UNC5C: variants seen among roughly 807,000 people sequenced by gnomAD.
UNC5C encodes netrin receptor UNC5C.
A neutral mutation model predicts 99.8 loss-of-function variants in UNC5C; 47 were observed. That is an observed-to-expected ratio of 0.47 (90% CI 0.37 to 0.60). The LOEUF (loss-of-function observed/expected upper bound fraction) is 0.60. UNC5C is among the 20% of genes least tolerant of loss of function. The probability of loss-of-function intolerance (pLI) is 0.00; values close to 1 mark genes in which losing one functional copy is unlikely to be tolerated. For synonymous variants in UNC5C, 487 were observed against 452.2 expected (o/e 1.08, Z -0.98); for missense variants, 1,062 against 1,165.9 (o/e 0.91, Z 1.30).
intron 1 of UNC5C, among the ~76,000 whole-genome samples, chr4:95,433,285 G>T (rs1410886266): frequency 2.0e-5 from 3 of 152,066 alleles, no homozygotes; most frequent in Non-Finnish European, 4.4e-5. Context: ...ATTTTAAAAT[G>T]CAGGTATCAA....
At position 95,533,339 on chromosome 4, in the gene UNC5C, T is replaced by A. The variant is rs561798241; in HGVS notation, c.124+15395A>T. ...TGAAACCGGAAGGCAGAGGTTGCAG[T>A]GAGCCGAGATTGCACCACTGCACTC... is the stretch of plus-strand genomic sequence containing the variant. On this transcript the variant is annotated intron_variant, in intron 1 of 15. Coordinates refer to ENST00000453304, the MANE Select transcript of UNC5C (RefSeq NM_003728.4). Among the ~76,000 whole-genome samples the A allele has an allele frequency of 2.0e-5, 3 of 151,968 alleles. No individual in the cohort carries two copies. The South Asian group carries it at 6.2e-4, about 32-fold the overall frequency.
chr4:95,373,382 T>C (rs1409719725), intron 1 of UNC5C, among the ~76,000 whole-genome samples: 1 of 152,130 alleles, frequency 6.6e-6, no homozygotes, highest in Non-Finnish European at 1.5e-5. Flanking sequence ...CTCTAATACT[T>C]ACTAAATAAT....
rs1744176230 is a variant in UNC5C at position 95,356,103 on chromosome 4, T to A, written c.125-20472A>T. On this transcript the variant is annotated intron_variant, in intron 1 of 15. Transcript: ENST00000453304. ...TACTCAGGAGGCTGAGGTTGGAGGA[T>A]CATTTGAGCCCAGGAGTTAGAAGCT... 2.0e-5 allele frequency among the ~76,000 whole-genome samples: 3 copies of A among 147,732 alleles called. 1 individual carries two copies. Among genetic ancestry groups the A allele is most frequent in the African/African-American group, 7.6e-5 (3 of 39,712 alleles).
At chr4:95,247,235 C>T (rs1455337735) in intron 5 of UNC5C, among the ~76,000 whole-genome samples, 2 of 151,818 alleles carry the variant, frequency 1.3e-5, no homozygotes, top group Non-Finnish European at 2.9e-5. Flanking sequence ...AAAACAGTTG[C>T]TAAATATGAA....
chr4:95,219,325 A>G lies in UNC5C; in HGVS notation c.1301-12T>C, dbSNP rs964417601. The G allele has an allele frequency of 6.2e-7, 1 of 1,607,624 alleles. No homozygotes were observed. The highest frequency in any genetic ancestry group is 8.5e-7 in the Non-Finnish European group (1 of 1,176,188). Reference sequence around the variant, plus strand: ...TACAGCCAGCAGATCTGAGTCAGAAAGAGAAAATAATCCCATTGGCATTCT... The same window carrying G: ...TACAGCCAGCAGATCTGAGTCAGAAGGAGAAAATAATCCCATTGGCATTCT... On this transcript the variant is annotated splice_polypyrimidine_tract_variant and intron_variant, in intron 8 of 15. Transcript: ENST00000453304.
chr4:95,262,321 C>T (rs1479452103), intron 4 of UNC5C, among the ~76,000 whole-genome samples: 3 of 152,100 alleles, frequency 2.0e-5, no homozygotes, highest in African/African-American at 7.2e-5. Flanking sequence ...TAATTTTTGA[C>T]CTGTAACTTG....
At chr4:95,527,102 C>T (rs1200162866) in intron 1 of UNC5C, among the ~76,000 whole-genome samples, 1 of 151,994 alleles carries the variant, frequency 6.6e-6, no homozygotes, top group Non-Finnish European at 1.5e-5. Context: ...CATGCATTTA[C>T]CCTATTCACA....
At chr4:95,476,246 G>A (rs1048660998) in intron 1 of UNC5C, among the ~76,000 whole-genome samples, 2 of 151,962 alleles carry the variant, frequency 1.3e-5, no homozygotes, top group Non-Finnish European at 2.9e-5. Context: ...GGTTAGTCAT[G>A]CTCTCTCTCT....
intron 1 of UNC5C, among the ~76,000 whole-genome samples, chr4:95,357,841 C>T (rs11728047): frequency 0.35 from 53,288 of 151,924 alleles, 10,717 homozygotes; most frequent in African/African-American, 0.54. Context: ...CTAATAGTAA[C>T]ATATGTTAGT....
intron 7 of UNC5C, among the ~76,000 whole-genome samples, chr4:95,239,329 A>G (rs1007949101): frequency 5.9e-5 from 9 of 152,132 alleles, no homozygotes; most frequent in Non-Finnish European, 1.0e-4. Flanking sequence ...TGAAGTCTTC[A>G]TTTCCCTTTT....
chr4:95,458,558 C>A (rs1182550938), intron 1 of UNC5C, among the ~76,000 whole-genome samples: 1 of 151,852 alleles, frequency 6.6e-6, no homozygotes, highest in African/African-American at 2.4e-5. Flanking sequence ...GCCTTCCTTA[C>A]CAGAGCTAAT....
At chr4:95,400,628 G>T (rs942171308) in intron 1 of UNC5C, among the ~76,000 whole-genome samples, 1 of 151,880 alleles carries the variant, frequency 6.6e-6, no homozygotes, top group African/African-American at 2.4e-5. Flanking sequence ...CCTGACCTCA[G>T]GATCCACTCG....
At chr4:95,301,188 T>C (rs1381322971) in intron 3 of UNC5C, among the ~76,000 whole-genome samples, 1 of 142,092 alleles carries the variant, frequency 7.0e-6, no homozygotes, top group Non-Finnish European at 1.5e-5. Context: ...AGCAGTTTTT[T>C]TCCAGGATTT....
chr4:95,266,253 G>A (rs1740443722), intron 4 of UNC5C, among the ~76,000 whole-genome samples: 1 of 152,170 alleles, frequency 6.6e-6, no homozygotes, highest in African/African-American at 2.4e-5. Flanking sequence ...ATGTACAGAA[G>A]AGATGTCATA....
At chr4:95,333,212 C>T (rs919773517) in intron 2 of UNC5C, among the ~76,000 whole-genome samples, 1 of 152,108 alleles carries the variant, frequency 6.6e-6, no homozygotes, top group South Asian at 2.1e-4. Context: ...CCAGCCATCC[C>T]ATTACTGGGT....
In UNC5C at chr4:95,329,060, G is replaced by A. The variant is rs149126166; in HGVS notation, c.346+6350C>T. On this transcript the variant is annotated intron_variant, in intron 2 of 15. Coordinates refer to ENST00000453304, the MANE Select transcript of UNC5C (RefSeq NM_003728.4). Reference sequence around the variant, plus strand: ...CTCACCAGTGCATTGGGAGGCTAAGGCAGCAGGATCACTTGAGCACAGGAG... The same window carrying A: ...CTCACCAGTGCATTGGGAGGCTAAGACAGCAGGATCACTTGAGCACAGGAG... 2.5e-3 allele frequency among the ~76,000 whole-genome samples: 375 copies of A among 152,252 alleles called. 2 individuals carry two copies. Among genetic ancestry groups the A allele is most frequent in the African/African-American group, 8.0e-3 (334 of 41,546 alleles).
At chr4:95,284,429 C>A (rs1042521433) in intron 3 of UNC5C, among the ~76,000 whole-genome samples, 40 of 152,046 alleles carry the variant, frequency 2.6e-4, no homozygotes, top group South Asian at 2.1e-4. Context: ...TTCTTGGTTG[C>A]CATTATGTGT....
chr4:95,404,105 CAT>C (rs1745771418), intron 1 of UNC5C, among the ~76,000 whole-genome samples: 1 of 152,046 alleles, frequency 6.6e-6, no homozygotes, highest in Admixed American at 6.6e-5. Context: ...GGACAAAAAA[CAT>C]AAATTAATAA....
chr4:95,462,133 A>C (rs886637593), intron 1 of UNC5C, among the ~76,000 whole-genome samples: 1 of 152,062 alleles, frequency 6.6e-6, no homozygotes, highest in Non-Finnish European at 1.5e-5. Context: ...CTGTTTTTTA[A>C]CCATTACCGC....
Sources: allele counts gnomAD v4.1 joint callset (sites outside exome capture counted in the v4.1 genomes callset), GRCh38; gene constraint gnomAD v4.1.1; transcripts MANE v1.5; gene names NCBI Gene and HGNC (gene_info 2026-07-23, HGNC 2026-07-21).